Variants in RNF213 observed in about 807,000 individuals in gnomAD.
RNF213 encodes the protein ring finger protein 213.
Under a neutral mutation model 514.4 loss-of-function variants are expected in RNF213, and 341 were observed. The observed-to-expected ratio is 0.66, with a 90% CI of 0.61 to 0.73. The LOEUF (loss-of-function observed/expected upper bound fraction) is 0.73. RNF213 is among the 30% of genes least tolerant of loss of function. RNF213 has a pLI of 0.00. For synonymous variants in RNF213, 2,655 were observed against 2,658.2 expected (o/e 1.00, Z 0.04); for missense variants, 5,767 against 6,615.6 (o/e 0.87, Z 4.45).
chr17:80,383,609 T>G (rs911323212), intron 58 of RNF213, 68 bp from the exon 59 acceptor site: 2 of 1,543,854 alleles, frequency 1.3e-6, no homozygotes, highest in African/African-American at 2.7e-5. Context: ...GTGGAGTTAC[T>G]GGGTGTTACA....
intron 11 of RNF213, among the ~76,000 whole-genome samples, chr17:80,303,647 T>G (rs1383768368): frequency 6.6e-6 from 1 of 151,240 alleles, no homozygotes; most frequent in Non-Finnish European, 1.5e-5. Context: ...CACTGCAACC[T>G]TCGCCTCCCA....
Position 80,343,922 on chromosome 17 carries a change from T to C in RNF213, c.6249T>C (p.Asn2083=). The C allele has an allele frequency of 1.2e-6, 2 of 1,614,168 alleles. No individual in the cohort carries two copies. Among genetic ancestry groups the C allele is most frequent in the Non-Finnish European group, 8.5e-7 (1 of 1,180,010 alleles). The part of the protein sequence containing the change: ...LLILQYLMDI[N]GKMWLRNPCH... ...TTTTACAATACTTAATGGATATAAA[T>C]GGGAAAATGTGGCTTCGGAACCCCT... Residue 2083 remains asparagine, a synonymous_variant, in exon 28 of 68, where the codon AAT becomes AAC. Coordinates refer to ENST00000582970, the MANE Select transcript of RNF213 (RefSeq NM_001256071.3). The surrounding 1 kb of genome is among the most constrained non-coding windows in gnomAD (Gnocchi z 4.3).
chr17:80,347,465 G>A lies in RNF213; in HGVS notation c.9130G>A (p.Val3044Met), dbSNP rs775568210. The A allele has an allele frequency of 8.1e-6, 13 of 1,614,026 alleles. No individual in the cohort carries two copies. In the East Asian group the frequency reaches 8.9e-5, roughly 11 times the overall value. ...QEDAESRYLL[V>M]LTKNYVALQI... ...AGATGCTGAGTCCCGCTACTTACTCGTGCTGACCAAAAACTACGTGGCACT... is the reference window on the plus strand; with the variant it reads ...AGATGCTGAGTCCCGCTACTTACTCATGCTGACCAAAAACTACGTGGCACT... The change falls in exon 29 of 68, where the codon GTG becomes ATG. Residue 3044 changes from valine (V) to methionine (M), a missense_variant. This residue lies in a region of RNF213 where 919 missense variants were observed against 1,121.0 expected (regional missense o/e 0.82). Transcript: ENST00000582970. The surrounding 1 kb of genome is among the most constrained non-coding windows in gnomAD (Gnocchi z 7.2).
intron 2 of RNF213, among the ~76,000 whole-genome samples, chr17:80,267,992 T>A (rs1167906706): frequency 6.6e-6 from 1 of 151,988 alleles, no homozygotes; most frequent in Non-Finnish European, 1.5e-5. Context: ...GCTAATATTG[T>A]ATTTTTTATT....
intron 15 of RNF213, among the ~76,000 whole-genome samples, chr17:80,314,264 A>G (rs1400750739): frequency 0.011 from 343 of 30,986 alleles, 8 homozygotes; most frequent in African/African-American, 0.038. Flanking sequence ...TGATGGTGGT[A>G]AAGGTGATGG....
At position 80,350,411 on chromosome 17, in the gene RNF213, T is replaced by C; in HGVS notation, c.10184+15T>C. Reference sequence around the variant, plus strand: ...GCCTCAGCTAAGTATGTTTTTAGTATTTTTCTCAGAAACTATGTAAAAAAC... The same window carrying C: ...GCCTCAGCTAAGTATGTTTTTAGTACTTTTCTCAGAAACTATGTAAAAAAC... On this transcript the variant is annotated intron_variant, in intron 31 of 67. Transcript: ENST00000582970. 3.9e-6 allele frequency: 6 copies of C among 1,556,990 alleles called. No individual in the cohort carries two copies. The highest frequency in any genetic ancestry group is 4.4e-6 in the Non-Finnish European group (5 of 1,128,296).
At chr17:80,322,191 C>T (rs1380956370) in intron 17 of RNF213, among the ~76,000 whole-genome samples, 10 of 100,134 alleles carry the variant, frequency 1.0e-4, no homozygotes, top group Admixed American at 1.5e-4. Flanking sequence ...GAAAAGGTCT[C>T]GCTTTGTCAC....
intron 7 of RNF213, among the ~76,000 whole-genome samples, 156 bp from the exon 8 acceptor site, chr17:80,291,472 C>T (rs1291337941): frequency 6.6e-6 from 1 of 152,172 alleles, no homozygotes; most frequent in Admixed American, 6.5e-5. Flanking sequence ...GTCCTCCCGC[C>T]TCAGCCTCCC....
chr17:80,385,269 G>A (rs1230383728), intron 60 of RNF213, 98 bp downstream of exon 60: 26 of 1,404,880 alleles, frequency 1.9e-5, no homozygotes, highest in South Asian at 1.2e-4. Context: ...GGGAGGAGGC[G>A]CTGATGGGTG....
At chr17:80,295,485 T>C in intron 9 of RNF213, 72 bp from the exon 10 acceptor site, 1 of 1,594,710 alleles carries the variant, frequency 6.3e-7, no homozygotes, top group Non-Finnish European at 8.6e-7. Flanking sequence ...GCTGTGGTGC[T>C]GGGGCAGCTC....
At chr17:80,276,981 CG>C (rs1280248088) in intron 3 of RNF213, among the ~76,000 whole-genome samples, 1 of 151,514 alleles carries the variant, frequency 6.6e-6, no homozygotes. Flanking sequence ...CACTTGAACC[CG>C]GGAGGGGGAG....
chr17:80,334,303 T>C (rs1157995612), intron 22 of RNF213, 33 bp downstream of exon 22: 38 of 1,511,930 alleles, frequency 2.5e-5, no homozygotes, highest in Non-Finnish European at 3.1e-5. Flanking sequence ...CGTGGAAGTG[T>C]GGAGAAAGTT....
chr17:80,392,974 T>C (rs143427383), intron 67 of RNF213, among the ~76,000 whole-genome samples: 2 of 149,304 alleles, frequency 1.3e-5, no homozygotes, highest in African/African-American at 5.1e-5. Flanking sequence ...GGTCCCCTTA[T>C]GTTATATGGG....
At position 80,353,303 on chromosome 17, in the gene RNF213, G is replaced by T; in HGVS notation, c.10424-209G>T. The T allele has an allele frequency of 1.3e-6, 1 of 776,200 alleles. No homozygotes were observed. 48.1% of individuals were successfully genotyped at this position (776,200 alleles called of 1,614,324 possible). A position where few individuals can be genotyped will look rare whatever the true frequency, so the allele number is the denominator to read the frequency against. The stretch of plus-strand genomic sequence containing the variant: ...GGCCAGCCATGGAAGTGAGCACCTA[G>T]AACACGCCAGAGCCCAGGCTGGAAG... On this transcript the variant is annotated intron_variant, in intron 33 of 67. Transcript: ENST00000582970. This position sits in a 1 kb window ranked among gnomAD's most constrained non-coding sequence, Gnocchi z 5.0.
At position 80,263,642 on chromosome 17, in the gene RNF213, C is replaced by T. The variant is rs2043503559; in HGVS notation, c.-40C>T. On this transcript the variant is annotated 5_prime_UTR_variant, in exon 2 of 68. Coordinates refer to ENST00000582970, the MANE Select transcript of RNF213 (RefSeq NM_001256071.3). The surrounding 1 kb of genome is among the most constrained non-coding windows in gnomAD (Gnocchi z 4.9). ...TATAGCAGGCTGCCAGCGACTCCTGCTCTTGCTTCTGGATCTGCAGGGCAG... is the reference window on the plus strand; with the variant it reads ...TATAGCAGGCTGCCAGCGACTCCTGTTCTTGCTTCTGGATCTGCAGGGCAG... 3 of 1,557,928 alleles carry T rather than the reference C, an allele frequency of 1.9e-6. No individual in the cohort carries two copies. The highest frequency in any genetic ancestry group is 3.3e-5 in the Admixed American group (2 of 59,932).
chr17:80,339,812 T>G lies in RNF213; in HGVS notation c.5445T>G (p.Ser1815=). The change falls in exon 26 of 68, where the codon TCT becomes TCG. Residue 1815 remains serine, a synonymous_variant. Coordinates refer to ENST00000582970, the MANE Select transcript of RNF213 (RefSeq NM_001256071.3). ...CTCACCTGGCAGGGATGGGTGGGTC[T>G]CCCGTGGAGCGTTGTCTCCCGAGAG... The part of the protein sequence containing the change: ...CLAHLAGMGG[S]PVERCLPRGL... The G allele has an allele frequency of 6.5e-7, 1 of 1,533,650 alleles. No individual in the cohort carries two copies. Among genetic ancestry groups the G allele is most frequent in the Non-Finnish European group, 8.7e-7 (1 of 1,144,142 alleles).
At chr17:80,385,290 T>G in intron 60 of RNF213, 119 bp downstream of exon 60, 2 of 1,283,558 alleles carry the variant, frequency 1.6e-6, no homozygotes, top group South Asian at 1.2e-5. Context: ...CTCTATAGCC[T>G]AAGCCCTTAC....
At chr17:80,381,786 G>T (rs1031543460) in intron 57 of RNF213, 59 bp downstream of exon 57, 2 of 1,521,870 alleles carry the variant, frequency 1.3e-6, no homozygotes, top group Non-Finnish European at 1.8e-6. Context: ...GCGCAAGCAG[G>T]CTCGCTGTCT....
chr17:80,320,032 G>A, intron 17 of RNF213: 1 of 1,022,082 alleles, frequency 9.8e-7, no homozygotes, highest in South Asian at 3.9e-5. Context: ...TTGAGATATT[G>A]TTCGTATGCC....
Sources: gnomAD v4.1 joint callset for allele counts (sites outside exome capture counted in the v4.1 genomes callset) on GRCh38, gnomAD v4.1.1 for gene constraint, gnomAD v4.1.1 regional missense constraint, Gnocchi (gnomAD v3.1) non-coding constraint, MANE v1.5 for transcripts, NCBI Gene and HGNC (gene_info 2026-07-23, HGNC 2026-07-21) for gene names.